The following ALPK2 variants were observed in gnomAD, a reference collection of about 807,000 sequenced individuals.
The protein encoded by ALPK2 is alpha-protein kinase 2.
ALPK2 carries 127 observed loss-of-function variants against 163.1 expected under a neutral mutation model. The observed-to-expected ratio is 0.78, with a 90% CI of 0.67 to 0.90. The LOEUF (loss-of-function observed/expected upper bound fraction) is 0.90, where lower values mean the gene tolerates loss of function less well. Ranked by LOEUF, ALPK2 falls within the 40% of genes least tolerant of loss-of-function variation. The probability of loss-of-function intolerance (pLI) is 0.00; values close to 1 mark genes in which losing one functional copy is unlikely to be tolerated. For missense variants in ALPK2, 2,360 were observed against 2,589.6 expected (o/e 0.91, Z 1.92); for synonymous variants, 953 against 959.1 (o/e 0.99, Z 0.12).
intron 10 of ALPK2, among the ~76,000 whole-genome samples, chr18:58,506,563 A>G (rs1194086299): frequency 6.6e-6 from 1 of 152,126 alleles, no homozygotes; most frequent in Middle Eastern, 3.2e-3. Flanking sequence ...GCTGTGTCAG[A>G]ATCCTGAAGA....
intron 11 of ALPK2, among the ~76,000 whole-genome samples, chr18:58,501,507 C>T (rs1179637844): frequency 1.3e-5 from 2 of 152,202 alleles, no homozygotes; most frequent in African/African-American, 4.8e-5. Context: ...TGCAAGGAGT[C>T]CTTCCAAGGG....
intron 5 of ALPK2, among the ~76,000 whole-genome samples, chr18:58,532,297 C>A (rs2277719): frequency 0.09 from 13,658 of 152,168 alleles, 675 homozygotes; most frequent in East Asian, 0.16. Flanking sequence ...TCCAGAAACC[C>A]GTTCTAATTT....
chr18:58,525,878 A>G (rs2051581629), intron 6 of ALPK2, among the ~76,000 whole-genome samples: 1 of 151,810 alleles, frequency 6.6e-6, no homozygotes, highest in Non-Finnish European at 1.5e-5. Flanking sequence ...CCATGATACA[A>G]AACTACCTCG....
At chr18:58,530,158 A>G (rs1297196771) in intron 5 of ALPK2, among the ~76,000 whole-genome samples, 3 of 152,242 alleles carry the variant, frequency 2.0e-5, no homozygotes, top group African/African-American at 7.2e-5. Flanking sequence ...ACTGCCTCAA[A>G]TTATACTACG....
intron 1 of ALPK2, among the ~76,000 whole-genome samples, chr18:58,625,662 G>C (rs10871759): frequency 0.32 from 48,980 of 152,166 alleles, 8,881 homozygotes; most frequent in African/African-American, 0.49. Flanking sequence ...GCAAATGAGC[G>C]TGTTTAAGAG....
Position 58,498,053 on chromosome 18 carries a change from TA to T in ALPK2, c.6291del (p.Tyr2100ThrfsTer10). On this transcript the variant is annotated frameshift_variant, in exon 12 of 13. Coordinates refer to ENST00000361673, the MANE Select transcript of ALPK2 (RefSeq NM_052947.4). LOFTEE classifies it high-confidence loss of function. Reference sequence around the variant, plus strand: ...ACTCCATTTTTTCCTACTCACCCTTTAGCCAGCGTTGCTATGCCAACGTCAG... The same window carrying T: ...ACTCCATTTTTTCCTACTCACCCTTTGCCAGCGTTGCTATGCCAACGTCAG... ...KLTDVGIATL[A>X]KGYKGFKGNC... The T allele has an allele frequency of 6.2e-7, 1 of 1,614,104 alleles. No homozygotes were observed. The highest frequency in any genetic ancestry group is 8.5e-7 in the Non-Finnish European group (1 of 1,179,956).
At chr18:58,534,248 T>C (rs560471175) in intron 5 of ALPK2, among the ~76,000 whole-genome samples, 1 of 152,146 alleles carries the variant, frequency 6.6e-6, no homozygotes, top group Non-Finnish European at 1.5e-5. Context: ...CAGAGGATTT[T>C]AGATTTAGAT....
At chr18:58,546,386 A>T (rs4598995) in intron 4 of ALPK2, among the ~76,000 whole-genome samples, 2 of 152,154 alleles carry the variant, frequency 1.3e-5, no homozygotes, top group African/African-American at 4.8e-5. Flanking sequence ...GAGCTCTGTG[A>T]GTTCAGTGGG....
intron 3 of ALPK2, 52 bp from the exon 4 acceptor site, chr18:58,580,600 C>A (rs1195921136): frequency 7.0e-7 from 1 of 1,433,838 alleles, no homozygotes; most frequent in East Asian, 2.3e-5. Context: ...ACATGCATGC[C>A]AACATTTTCA....
chr18:58,489,191 A>G (rs1264766119), intron 12 of ALPK2, among the ~76,000 whole-genome samples: 1 of 152,142 alleles, frequency 6.6e-6, no homozygotes, highest in Non-Finnish European at 1.5e-5. Flanking sequence ...CAACATGGTA[A>G]GGTTCAGAGG....
intron 12 of ALPK2, among the ~76,000 whole-genome samples, chr18:58,483,581 A>G (rs1040829046): frequency 6.6e-6 from 1 of 151,402 alleles, no homozygotes; most frequent in African/African-American, 2.4e-5. Flanking sequence ...ACAGAGTCTC[A>G]TTCTTGTTGC....
chr18:58,617,344 G>A (rs538885756), intron 1 of ALPK2, among the ~76,000 whole-genome samples: 10 of 152,126 alleles, frequency 6.6e-5, no homozygotes, highest in East Asian at 1.9e-4. Flanking sequence ...GCACCACCAC[G>A]CCAGGCTAAT....
chr18:58,602,691 C>G (rs1318669217), intron 3 of ALPK2, among the ~76,000 whole-genome samples: 4 of 152,168 alleles, frequency 2.6e-5, no homozygotes, highest in Non-Finnish European at 5.9e-5. Context: ...TCTGGGTAAA[C>G]TAAGGCTGAG....
chr18:58,603,537 C>G (rs999119113), intron 3 of ALPK2, among the ~76,000 whole-genome samples: 1 of 152,222 alleles, frequency 6.6e-6, no homozygotes, highest in Non-Finnish European at 1.5e-5. Context: ...TTCCTCCGCC[C>G]CCTTCCCCTT....
intron 4 of ALPK2, among the ~76,000 whole-genome samples, chr18:58,551,162 T>C (rs897507065): frequency 3.9e-5 from 6 of 152,014 alleles, no homozygotes; most frequent in African/African-American, 1.5e-4. Context: ...ATCTACACTA[T>C]TGGCAACTGT....
chr18:58,550,467 T>C (rs2051747889), intron 4 of ALPK2, among the ~76,000 whole-genome samples: 1 of 142,418 alleles, frequency 7.0e-6, no homozygotes, highest in African/African-American at 2.6e-5. Context: ...CCCATCCCCA[T>C]CTCCATCATA....
chr18:58,535,477 AT>A lies in ALPK2; in HGVS notation c.4709del (p.Asn1570MetfsTer3), dbSNP rs753911638. 6.2e-6 allele frequency: 10 copies of A among 1,614,034 alleles called. No homozygotes were observed. The highest frequency in any genetic ancestry group is 8.5e-6 in the Non-Finnish European group (10 of 1,180,030). ...STGQIHDVPE[N>X]DIVEPRKRQY... ...GACGCTTTCTGGGCTCAACTATGTC[AT>A]TTTCAGGGACGTCATGAATTTGGCC... is the stretch of plus-strand genomic sequence containing the variant. On this transcript the variant is annotated frameshift_variant, in exon 5 of 13. Coordinates refer to ENST00000361673, the MANE Select transcript of ALPK2 (RefSeq NM_052947.4).
At chr18:58,546,246 G>C (rs1384154376) in intron 4 of ALPK2, among the ~76,000 whole-genome samples, 1 of 152,130 alleles carries the variant, frequency 6.6e-6, no homozygotes, top group Non-Finnish European at 1.5e-5. Flanking sequence ...CCTCCTAAGG[G>C]ACAAGAAATC....
intron 3 of ALPK2, 23 bp from the exon 4 acceptor site, chr18:58,580,571 A>G (rs774934445): frequency 1.2e-4 from 193 of 1,587,516 alleles, no homozygotes; most frequent in Non-Finnish European, 1.6e-4. Flanking sequence ...GAATATATAG[A>G]TAAGTTTGCC....
Sources: allele counts gnomAD v4.1 joint callset (sites outside exome capture counted in the v4.1 genomes callset), GRCh38; gene constraint gnomAD v4.1.1; transcripts MANE v1.5; gene names NCBI Gene and HGNC (gene_info 2026-07-23, HGNC 2026-07-21).